The following EEF1A2 variants were observed in gnomAD, a reference collection of about 807,000 sequenced individuals.
EEF1A2 encodes elongation factor 1-alpha 2.
A neutral mutation model predicts 39.3 loss-of-function variants in EEF1A2; 5 were observed. The observed-to-expected ratio is 0.13, with a 90% CI of 0.07 to 0.27. The LOEUF (loss-of-function observed/expected upper bound fraction) is 0.27, where lower values mean the gene tolerates loss of function less well. Ranked by LOEUF, EEF1A2 falls within the 10% of genes least tolerant of loss-of-function variation. EEF1A2 has a pLI of 1.00. For synonymous variants in EEF1A2, 287 were observed against 293.7 expected (o/e 0.98, Z 0.23); for missense variants, 218 against 681.4 (o/e 0.32, Z 7.57).
chr20:63,492,240 A>G lies in EEF1A2; in HGVS notation c.772+897T>C, dbSNP rs1241832675. Reference sequence around the variant, plus strand: ...TGGATGGATGGAAGGATGGATGGATAGGTAGGTGGGTGGATGGATGGATGG... The same window carrying G: ...TGGATGGATGGAAGGATGGATGGATGGGTAGGTGGGTGGATGGATGGATGG... On this transcript the variant is annotated intron_variant, in intron 5 of 7. Coordinates refer to ENST00000217182, the MANE Select transcript of EEF1A2 (RefSeq NM_001958.5). 8.2e-5 allele frequency among the ~76,000 whole-genome samples: 8 copies of G among 97,100 alleles called. 1 individual carries two copies. The highest frequency in any genetic ancestry group is 3.6e-4 in the South Asian group (1 of 2,816). 63.7% of individuals were successfully genotyped at this position (97,100 alleles called of 152,430 possible).
At position 63,488,362 on chromosome 20, in the gene EEF1A2, T is replaced by C. The variant is rs893263340; in HGVS notation, c.1328A>G (p.Lys443Arg). ...VAVGVIKNVE[K>R]KSGGAGKVTK... The stretch of plus-strand genomic sequence containing the variant: ...GACCTTGCCGGCGCCGCCGCTCTTC[T>C]TCTCCACGTTCTTGATGACGCCTAC... Residue 443 changes from lysine to arginine, a missense_variant, in exon 8 of 8, where the codon AAG (lysine) becomes AGG (arginine). Physicochemically the swap from Lys to Arg is conservative, Grantham distance 26. Transcript: ENST00000217182. 2.0e-6 allele frequency: 3 copies of C among 1,475,858 alleles called. No homozygotes were observed. Among genetic ancestry groups the C allele is most frequent in the East Asian group, 3.0e-5 (1 of 33,178 alleles). 91.4% of individuals were successfully genotyped at this position (1,475,858 alleles called of 1,614,324 possible). A position where few individuals can be genotyped will look rare whatever the true frequency, so the allele number is the denominator to read the frequency against.
At position 63,490,433 on chromosome 20, in the gene EEF1A2, G is replaced by T. The variant is rs373337082; in HGVS notation, c.1029+46C>A. On this transcript the variant is annotated intron_variant, in intron 6 of 7. Coordinates refer to ENST00000217182, the MANE Select transcript of EEF1A2 (RefSeq NM_001958.5). ...CAGCCTCACCCAGGACAGTCCTGCTGCTGTCCAGCAGGCGCCAGCCCCCTG... is the reference window on the plus strand; with the variant it reads ...CAGCCTCACCCAGGACAGTCCTGCTTCTGTCCAGCAGGCGCCAGCCCCCTG... The T allele has an allele frequency of 8.2e-6, 13 of 1,580,190 alleles. No individual in the cohort carries two copies. In the African/African-American group the frequency reaches 1.5e-4, roughly 18 times the overall value.
rs183866109 is a variant in EEF1A2, at chr20:63,497,314, G to A, written c.144+306C>T. 3.1e-4 allele frequency: 86 copies of A among 277,730 alleles called. No individual in the cohort carries two copies. Among genetic ancestry groups the A allele is most frequent in the African/African-American group, 1.7e-3 (78 of 45,322 alleles). 17.2% of individuals were successfully genotyped at this position (277,730 alleles called of 1,614,324 possible). On this transcript the variant is annotated intron_variant, in intron 2 of 7. Coordinates refer to ENST00000217182, the MANE Select transcript of EEF1A2 (RefSeq NM_001958.5). The surrounding 1 kb of genome is among the most constrained non-coding windows in gnomAD (Gnocchi z 7.3). ...GGGGGGAAGGGGGTAAGGCTCCAGC[G>A]CCCTCCAGCCCCAGCTCAACATGGC...
At chr20:63,492,119 T>TAGAGAGAA (rs1568995815) in intron 5 of EEF1A2, among the ~76,000 whole-genome samples, 2 of 118,572 alleles carry the variant, frequency 1.7e-5, no homozygotes, top group African/African-American at 3.6e-5. Flanking sequence ...GATGGATGGA[T>TAGAGAGAA]GGATGGATGG....
In EEF1A2 at chr20:63,495,706, A is replaced by G. The variant is rs1600908271; in HGVS notation, c.324+150T>C. The G allele has an allele frequency of 4.0e-6, 4 of 989,188 alleles. No homozygotes were observed. The East Asian group carries it at 1.0e-4, about 26-fold the overall frequency. 61.3% of individuals were successfully genotyped at this position (989,188 alleles called of 1,614,324 possible). A position where few individuals can be genotyped will look rare whatever the true frequency, so the allele number is the denominator to read the frequency against. ...TTCATCCTTAGGGGGGCTCTGAGCC[A>G]GACTGGGTGAGGGTGGCCCAGGTGA... On this transcript the variant is annotated intron_variant, in intron 3 of 7. Transcript: ENST00000217182.
In EEF1A2 at chr20:63,497,898, G is replaced by A; in HGVS notation, c.-71-64C>T. On this transcript the variant is annotated intron_variant, in intron 1 of 7. Transcript: ENST00000217182. The surrounding 1 kb of genome is among the most constrained non-coding windows in gnomAD (Gnocchi z 7.3). ...AGCCCCAGGGGGAGACACCAGCAGA[G>A]ACTGTCCTGGCACAGGCTGGACAGG... The A allele has an allele frequency of 8.1e-7, 1 of 1,239,394 alleles. No homozygotes were observed. The highest frequency in any genetic ancestry group is 1.1e-6 in the Non-Finnish European group (1 of 896,902). 76.8% of individuals were successfully genotyped at this position (1,239,394 alleles called of 1,614,324 possible).
intron 6 of EEF1A2, among the ~76,000 whole-genome samples, chr20:63,489,515 G>A (rs1207113777): frequency 6.6e-6 from 1 of 152,192 alleles, no homozygotes; most frequent in Non-Finnish European, 1.5e-5. Context: ...AGGCACGGTG[G>A]CTCACACCTG....
At chr20:63,488,846 C>A in intron 7 of EEF1A2, 72 bp downstream of exon 7, 1 of 1,520,216 alleles carries the variant, frequency 6.6e-7, no homozygotes, top group South Asian at 1.2e-5. Context: ...GCCCCATCCC[C>A]GCAGTCCTCT....
At position 63,498,063 on chromosome 20, in the gene EEF1A2, A is replaced by G. The variant is rs2082426292; in HGVS notation, c.-71-229T>C. 3.2e-6 allele frequency: 1 copy of G among 307,742 alleles called. No homozygotes were observed. The highest frequency in any genetic ancestry group is 4.9e-5 in the Admixed American group (1 of 20,614). The allele number at this position is 307,742 out of a possible 1,614,324, so 19.1% of individuals were successfully genotyped here. The stretch of plus-strand genomic sequence containing the variant: ...AGCCCAAACAGCCCCATCTGCTGTA[A>G]ATAACTGGGCGTTGGAGCCCGCGGG... On this transcript the variant is annotated intron_variant, in intron 1 of 7. Transcript: ENST00000217182. This position sits in a 1 kb window ranked among gnomAD's most constrained non-coding sequence, Gnocchi z 4.1.
chr20:63,488,467 T>C, intron 7 of EEF1A2, 42 bp from the exon 8 acceptor site: 1 of 1,373,906 alleles, frequency 7.3e-7, no homozygotes, highest in Non-Finnish European at 9.4e-7. Flanking sequence ...CCGGAGGACT[T>C]GACCCCCCCC....
chr20:63,489,224 G>C, intron 6 of EEF1A2, 72 bp from the exon 7 acceptor site: 1 of 1,474,120 alleles, frequency 6.8e-7, no homozygotes, highest in South Asian at 1.2e-5. Flanking sequence ...GAGCGGGGCT[G>C]GGAGGCCCAG....
At chr20:63,492,641 AATCAATGGATGG>A (rs1201515595) in intron 5 of EEF1A2, among the ~76,000 whole-genome samples, 1 of 22,398 alleles carries the variant, frequency 4.5e-5, no homozygotes, top group Non-Finnish European at 9.9e-5. Flanking sequence ...TGGGTGGGAC[AATCAATGGATGG>A]ATGGATGGAT....
chr20:63,488,405 T>C lies in EEF1A2; in HGVS notation c.1285A>G (p.Met429Val). ...PPLGRFAVRDMRQTVAVGVIK... is the reference protein window; with the variant it reads ...PPLGRFAVRDVRQTVAVGVIK... ...ACGCCTACGGCCACCGTCTGCCTCA[T>C]GTCGCGCACGGCGAAGCGGCCTGGG... is the stretch of plus-strand genomic sequence containing the variant. Residue 429 changes from methionine (M) to valine (V), a missense_variant, in exon 8 of 8, where the codon ATG becomes GTG. By Grantham distance (21) the Met-to-Val change is conservative. Around this residue, in one of 4 missense-constraint regions of EEF1A2, gnomAD observed 31 missense variants for 57.0 expected, o/e 0.54. Coordinates refer to ENST00000217182, the MANE Select transcript of EEF1A2 (RefSeq NM_001958.5). The C allele has an allele frequency of 2.1e-6, 3 of 1,461,678 alleles. No individual in the cohort carries two copies. The highest frequency in any genetic ancestry group is 3.1e-5 in the East Asian group (1 of 32,704). The allele number at this position is 1,461,678 out of a possible 1,614,324, so 90.5% of individuals were successfully genotyped here.
At chr20:63,490,221 C>T (rs988387826) in intron 6 of EEF1A2, 27 of 407,434 alleles carry the variant, frequency 6.6e-5, no homozygotes, top group Non-Finnish European at 1.1e-4. Context: ...CACGTGCCAC[C>T]ACGCCTGGCT....
chr20:63,488,775 G>T, intron 7 of EEF1A2, 143 bp downstream of exon 7: 2 of 923,744 alleles, frequency 2.2e-6, no homozygotes, highest in Non-Finnish European at 3.2e-6. Context: ...GGAGGCCGTG[G>T]CTCTCCTGCC....
chr20:63,492,238 A>G (rs2145942149), intron 5 of EEF1A2, among the ~76,000 whole-genome samples: 1 of 126,568 alleles, frequency 7.9e-6, no homozygotes, highest in Non-Finnish European at 1.7e-5. Flanking sequence ...GGATGGATGG[A>G]TAGGTAGGTG....
chr20:63,488,838 C>T, intron 7 of EEF1A2, 80 bp downstream of exon 7: 1 of 1,475,434 alleles, frequency 6.8e-7, no homozygotes, highest in Non-Finnish European at 9.2e-7. Context: ...TCCCCAGCGC[C>T]CCATCCCCGC....
At chr20:63,496,187 C>A in intron 2 of EEF1A2, 152 bp from the exon 3 acceptor site, 1 of 944,472 alleles carries the variant, frequency 1.1e-6, no homozygotes, top group Non-Finnish European at 1.5e-6. Flanking sequence ...GGACGCCGGC[C>A]CCCTCCGTCG....
Position 63,497,710 on chromosome 20 carries a change from G to A in EEF1A2, c.54C>T (p.Ser18=), listed in dbSNP as rs200759764. Residue 18 remains serine (S), a synonymous_variant, in exon 2 of 8, where the codon TCC becomes TCT. Transcript: ENST00000217182. The surrounding 1 kb of genome is among the most constrained non-coding windows in gnomAD (Gnocchi z 7.3). ...GGTGGCCCGTGGTGGTGGACTTTCC[G>A]GAGTCCACGTGGCCGATGACCACGA... ...INIVVIGHVD[S]GKSTTTGHLI... The A allele has an allele frequency of 2.9e-5, 47 of 1,612,914 alleles. No individual in the cohort carries two copies. Among genetic ancestry groups the A allele is most frequent in the South Asian group, 4.4e-5 (4 of 91,070 alleles).
Sources: allele counts gnomAD v4.1 joint callset (sites outside exome capture counted in the v4.1 genomes callset), GRCh38; gene constraint gnomAD v4.1.1; regional missense constraint gnomAD v4.1.1; non-coding constraint Gnocchi (gnomAD v3.1); transcripts MANE v1.5; gene names NCBI Gene and HGNC (gene_info 2026-07-23, HGNC 2026-07-21).